RELL1: variants seen among roughly 807,000 people sequenced by gnomAD.
RELL1 encodes RELT like 1, also known as RELT-like protein 1.
In RELL1, 10 loss-of-function variants were observed where a neutral mutation model predicts 23.0. The observed-to-expected ratio is 0.43, with a 90% CI of 0.27 to 0.74. The LOEUF is 0.74. Ranked by LOEUF, RELL1 falls within the 30% of genes least tolerant of loss-of-function variation. The pLI is 0.19. For synonymous variants in RELL1, 146 were observed against 146.8 expected (o/e 0.99, Z 0.04); for missense variants, 315 against 364.4 (o/e 0.86, Z 1.10).
intron 1 of RELL1, among the ~76,000 whole-genome samples, chr4:37,658,397 A>G (rs1721203755): frequency 6.6e-6 from 1 of 152,240 alleles, no homozygotes; most frequent in Admixed American, 6.5e-5. Flanking sequence ...AGCACTATCA[A>G]TACTAACAAC....
chr4:37,681,531 T>G (rs894070300), intron 1 of RELL1, among the ~76,000 whole-genome samples: 5 of 139,514 alleles, frequency 3.6e-5, no homozygotes, highest in Non-Finnish European at 6.2e-5. Context: ...TTTTTTTTTT[T>G]TTTTTTTTTT....
intron 1 of RELL1, among the ~76,000 whole-genome samples, chr4:37,667,757 A>T (rs894165877): frequency 6.6e-6 from 1 of 151,956 alleles, no homozygotes; most frequent in Non-Finnish European, 1.5e-5. Context: ...CCAAGTGCTA[A>T]TTGTTAAAAA....
chr4:37,668,905 G>A (rs1377264842), intron 1 of RELL1, among the ~76,000 whole-genome samples: 2 of 149,870 alleles, frequency 1.3e-5, no homozygotes, highest in Non-Finnish European at 1.5e-5. Context: ...CTGCCCGGCC[G>A]CCCCGTCTGA....
In RELL1 at chr4:37,666,665, T is replaced by A. The variant is rs1273311018; in HGVS notation, c.89-17165A>T. Among the ~76,000 whole-genome samples, 3 of 152,068 alleles carry A rather than the reference T, an allele frequency of 2.0e-5. No homozygotes were observed. The East Asian group carries it at 5.8e-4, about 29-fold the overall frequency. Reference sequence around the variant, plus strand: ...ATGAGCTGGGCTGGAAGGGGCAGTGTTAAATGTGGGGTGCAGAAAAGATAA... The same window carrying A: ...ATGAGCTGGGCTGGAAGGGGCAGTGATAAATGTGGGGTGCAGAAAAGATAA... On this transcript the variant is annotated intron_variant, in intron 1 of 6. Transcript: ENST00000454158.
At chr4:37,652,313 T>C (rs1485584410) in intron 1 of RELL1, among the ~76,000 whole-genome samples, 1 of 152,210 alleles carries the variant, frequency 6.6e-6, no homozygotes, top group African/African-American at 2.4e-5. Context: ...GAATTTGAAA[T>C]AGCCAGTGTT....
rs1284635761 is a variant in RELL1, at chr4:37,611,916, C to T, written c.*1430G>A. On this transcript the variant is annotated 3_prime_UTR_variant, in exon 7 of 7. Transcript: ENST00000454158. ...CTAGGCCGGGCGCAGTGGCTCAAGC[C>T]TGTAATCCCAGAACTTTGGGAGGCC... Among the ~76,000 whole-genome samples, 1 of 151,752 alleles carries T rather than the reference C, an allele frequency of 6.6e-6. No individual in the cohort carries two copies. Among genetic ancestry groups the T allele is most frequent in the Non-Finnish European group, 1.5e-5 (1 of 67,932 alleles).
chr4:37,670,864 A>G (rs551028475), intron 1 of RELL1, among the ~76,000 whole-genome samples: 1 of 152,120 alleles, frequency 6.6e-6, no homozygotes, highest in African/African-American at 2.4e-5. Flanking sequence ...GAGCCACCGC[A>G]CCCGGCCGCC....
intron 6 of RELL1, among the ~76,000 whole-genome samples, chr4:37,599,455 C>T (rs1029696084): frequency 6.6e-6 from 1 of 152,086 alleles, no homozygotes; most frequent in African/African-American, 2.4e-5. Flanking sequence ...TCATGCTGAT[C>T]CCATTTGTCT....
chr4:37,660,230 C>T (rs936535405), intron 1 of RELL1, among the ~76,000 whole-genome samples: 1 of 152,022 alleles, frequency 6.6e-6, no homozygotes, highest in Non-Finnish European at 1.5e-5. Context: ...CACCAGCTAC[C>T]TGTGTGATAC....
chr4:37,588,770 GA>G (rs963920813), downstream of RELL1: 392 of 1,040,386 alleles, frequency 3.8e-4, no homozygotes, highest in Admixed American at 5.8e-4. Flanking sequence ...AGTCTCTAGG[GA>G]AAAAAAAAGG....
Position 37,649,441 on chromosome 4 carries a change from C to G in RELL1, c.148G>C (p.Asp50His). 1 of 1,614,200 alleles carries G rather than the reference C, an allele frequency of 6.2e-7. No homozygotes were observed. The highest frequency in any genetic ancestry group is 8.5e-7 in the Non-Finnish European group (1 of 1,180,014). The stretch of plus-strand genomic sequence containing the variant: ...TATTCTGGGTGTCCATTCCCAGTAT[C>G]GTTGCTGGGCGACGGGGTCGTCTCT... ...RTETTPSPSN[D>H]TGNGHPEYIA... The change falls in exon 2 of 7, where the codon GAT becomes CAT. Residue 50 changes from aspartate (D) to histidine (H), a missense_variant. Coordinates refer to ENST00000454158, the MANE Select transcript of RELL1 (RefSeq NM_001085400.2).
rs1577562701 is a variant in RELL1, at chr4:37,612,017, T to C, written c.*1329A>G. On this transcript the variant is annotated 3_prime_UTR_variant, in exon 7 of 7. Coordinates refer to ENST00000454158, the MANE Select transcript of RELL1 (RefSeq NM_001085400.2). ...GGTGAAACCCCGTCTCTCCTAAAAA[T>C]ACAAAAAAAATAAGCCAAGCGTGGT... is the stretch of plus-strand genomic sequence containing the variant. 6.6e-6 allele frequency among the ~76,000 whole-genome samples: 1 copy of C among 150,432 alleles called. No homozygotes were observed. The highest frequency in any genetic ancestry group is 2.4e-5 in the African/African-American group (1 of 40,918).
chr4:37,668,445 T>C (rs1475063284), intron 1 of RELL1, among the ~76,000 whole-genome samples: 1 of 152,176 alleles, frequency 6.6e-6, no homozygotes, highest in Non-Finnish European at 1.5e-5. Flanking sequence ...CTCCAGCTCC[T>C]AACCGCGAGT....
At chr4:37,596,045 G>C (rs12510608) in intron 6 of RELL1, among the ~76,000 whole-genome samples, 1 of 152,140 alleles carries the variant, frequency 6.6e-6, no homozygotes, top group Admixed American at 6.5e-5. Flanking sequence ...GCAGCCATGC[G>C]TCATGACCTC....
At chr4:37,649,666 TCAAA>T (rs1481753028) in intron 1 of RELL1, among the ~76,000 whole-genome samples, 166 bp from the exon 2 acceptor site, 5 of 152,230 alleles carry the variant, frequency 3.3e-5, no homozygotes, top group African/African-American at 1.2e-4. Context: ...AGGTTTGAGC[TCAAA>T]CAGTCTGAGT....
intron 1 of RELL1, among the ~76,000 whole-genome samples, chr4:37,682,013 T>G (rs1051376448): frequency 1.3e-5 from 2 of 152,226 alleles, no homozygotes; most frequent in African/African-American, 4.8e-5. Context: ...CAGATCTGAC[T>G]CAATGGACTC....
chr4:37,663,609 G>A (rs1189691389), intron 1 of RELL1, among the ~76,000 whole-genome samples: 1 of 152,158 alleles, frequency 6.6e-6, no homozygotes, highest in African/African-American at 2.4e-5. Context: ...GCATCTGTAA[G>A]GAAGCATCTC....
downstream of RELL1, among the ~76,000 whole-genome samples, chr4:37,606,032 GAGAA>G (rs138195955): frequency 0.35 from 49,638 of 143,264 alleles, 9,059 homozygotes; most frequent in South Asian, 0.4. This position sits in a 1 kb window ranked among gnomAD's most constrained non-coding sequence, Gnocchi z 4.1. Context: ...GAGAAGGAAG[GAGAA>G]AGAAAGAAAA....
intron 6 of RELL1, among the ~76,000 whole-genome samples, chr4:37,626,111 A>G (rs1719935107): frequency 6.6e-6 from 1 of 152,186 alleles, no homozygotes; most frequent in African/African-American, 2.4e-5. Flanking sequence ...AGAAAAAGAA[A>G]TTCTTGCATA....
Sources: gnomAD v4.1 joint callset for allele counts (sites outside exome capture counted in the v4.1 genomes callset) on GRCh38, gnomAD v4.1.1 for gene constraint, Gnocchi (gnomAD v3.1) non-coding constraint, MANE v1.5 for transcripts, NCBI Gene and HGNC (gene_info 2026-07-23, HGNC 2026-07-21) for gene names.